NMBR: variants seen among roughly 807,000 people sequenced by gnomAD.
NMBR encodes neuromedin B receptor.
In NMBR, 16 loss-of-function variants were observed where a neutral mutation model predicts 20.5. That is an observed-to-expected ratio of 0.78 (90% CI 0.53 to 1.19). The LOEUF (loss-of-function observed/expected upper bound fraction) is 1.19. Ranked by LOEUF, NMBR falls within the 50% of genes most tolerant of loss-of-function variation. The pLI, the probability that NMBR is intolerant of heterozygous loss-of-function variation, is 0.00. For missense variants in NMBR, 582 were observed against 499.1 expected (o/e 1.17, Z -1.58); for synonymous variants, 212 against 196.6 (o/e 1.08, Z -0.65).
At chr6:142,080,767 AT>A (rs1485897685) in intron 2 of NMBR, among the ~76,000 whole-genome samples, 2 of 152,056 alleles carry the variant, frequency 1.3e-5, no homozygotes, top group Non-Finnish European at 2.9e-5. Context: ...GTTGACTGTA[AT>A]TTTTTTTCTG....
intron 3 of NMBR, 56 bp from the exon 4 acceptor site, chr6:142,076,105 T>C (rs1003168662): frequency 3.4e-6 from 5 of 1,475,752 alleles, no homozygotes; most frequent in African/African-American, 2.8e-5. Context: ...ACCAGCCACA[T>C]ACCAACTTTA....
intron 1 of NMBR, among the ~76,000 whole-genome samples, chr6:142,112,714 A>G (rs1777787045): frequency 1.3e-5 from 2 of 152,174 alleles, no homozygotes; most frequent in Non-Finnish European, 2.9e-5. Flanking sequence ...TGCAGAAGGA[A>G]CCAAATCAAA....
chr6:142,125,220 T>A (rs1350040694), intron 1 of NMBR, among the ~76,000 whole-genome samples: 1 of 151,760 alleles, frequency 6.6e-6, no homozygotes, highest in Non-Finnish European at 1.5e-5. Context: ...ATTGGGTATG[T>A]CATGAGAAGA....
chr6:142,134,346 G>T (rs113618054), intron 1 of NMBR, among the ~76,000 whole-genome samples: 2,336 of 152,096 alleles, frequency 0.015, 49 homozygotes, highest in South Asian at 0.07. Flanking sequence ...AGTAATATAT[G>T]ACTATGTTTT....
At chr6:142,108,817 T>C (rs149650682) in intron 1 of NMBR, among the ~76,000 whole-genome samples, 10 of 152,280 alleles carry the variant, frequency 6.6e-5, no homozygotes, top group East Asian at 5.8e-4. Context: ...CCCAAATTCT[T>C]AGCTCATTCT....
chr6:142,085,159 C>T (rs989703149), intron 2 of NMBR, among the ~76,000 whole-genome samples: 5 of 152,158 alleles, frequency 3.3e-5, no homozygotes, highest in Admixed American at 6.5e-5. Context: ...CTGCAGTGGG[C>T]ACAAAAGCTG....
chr6:142,109,631 C>A (rs969118119), intron 1 of NMBR, among the ~76,000 whole-genome samples: 1 of 151,988 alleles, frequency 6.6e-6, no homozygotes, highest in Non-Finnish European at 1.5e-5. Context: ...AAATGCAAAT[C>A]AAACTCACAG....
intron 2 of NMBR, among the ~76,000 whole-genome samples, chr6:142,079,417 G>C (rs537366942): frequency 2.6e-5 from 4 of 152,208 alleles, no homozygotes; most frequent in East Asian, 1.9e-4. Flanking sequence ...TTTTAAATTT[G>C]CATTTCCTAA....
chr6:142,136,786 G>A (rs532874046), intron 1 of NMBR, among the ~76,000 whole-genome samples: 2 of 152,236 alleles, frequency 1.3e-5, no homozygotes, highest in South Asian at 2.1e-4. Flanking sequence ...TCTCAGGTTT[G>A]TCAAAGATCA....
intron 1 of NMBR, among the ~76,000 whole-genome samples, chr6:142,145,020 T>TAAAAAAAAAAA (rs34522158): frequency 2.0e-5 from 2 of 97,616 alleles, no homozygotes; most frequent in Non-Finnish European, 3.9e-5. Flanking sequence ...AGAACCTGTC[T>TAAAAAAAAAAA]AAAAAAAAAA....
chr6:142,091,110 TATA>T (rs1192584377), intron 1 of NMBR, among the ~76,000 whole-genome samples: 2 of 152,198 alleles, frequency 1.3e-5, no homozygotes, highest in African/African-American at 4.8e-5. Flanking sequence ...GTTATAAAGT[TATA>T]ATAATGTGTT....
At chr6:142,135,682 T>C (rs1463528558) in intron 1 of NMBR, among the ~76,000 whole-genome samples, 1 of 149,246 alleles carries the variant, frequency 6.7e-6, no homozygotes, top group African/African-American at 2.5e-5. Context: ...AGTGTGATGT[T>C]CCACTTCTTG....
At chr6:142,094,564 C>T (rs7454980) in intron 1 of NMBR, among the ~76,000 whole-genome samples, 151,766 of 152,316 alleles carry the variant, frequency 1, 75,608 homozygotes, top group East Asian at 1. Flanking sequence ...CCTTGCAGTA[C>T]AGTTTGAAGT....
intron 1 of NMBR, among the ~76,000 whole-genome samples, chr6:142,133,352 TAAAGAG>T (rs1778179951): frequency 6.6e-6 from 1 of 152,170 alleles, no homozygotes; most frequent in African/African-American, 2.4e-5. Context: ...TTTAAAACTA[TAAAGAG>T]AAAAATTCAG....
intron 2 of NMBR, 131 bp from the exon 3 acceptor site, chr6:142,079,034 A>AAGAAAGAGAGAAAGAAAGAG (rs1362261864): frequency 1.9e-6 from 1 of 519,308 alleles, no homozygotes; most frequent in Non-Finnish European, 3.3e-6. Flanking sequence ...GAGAGAAAGA[A>AAGAAAGAGAGAAAGAAAGAG]AGAAAGAGAG....
At chr6:142,101,307 ATATATAAGGAAACAGCTTTTGGCTAAAC>A (rs1377236210) in intron 1 of NMBR, among the ~76,000 whole-genome samples, 1 of 152,198 alleles carries the variant, frequency 6.6e-6, no homozygotes, top group East Asian at 1.9e-4. Flanking sequence ...CAACCTTAAA[ATATATAAGGAAACAGCTTTTGGCTAAAC>A]TTGATTTCAC....
intron 2 of NMBR, among the ~76,000 whole-genome samples, chr6:142,084,928 T>A (rs1777171508): frequency 6.6e-6 from 1 of 152,224 alleles, no homozygotes; most frequent in South Asian, 2.1e-4. Flanking sequence ...TGTGTATGTA[T>A]AAAAGTGTTA....
rs931789480 is a variant in NMBR, at chr6:142,075,194, T to A, written c.*454A>T. ...TGACTTGTATTTCAAATAATAGGAGTTTGAATATTACCCTCACTGAATCAT... is the reference window on the plus strand; with the variant it reads ...TGACTTGTATTTCAAATAATAGGAGATTGAATATTACCCTCACTGAATCAT... On this transcript the variant is annotated 3_prime_UTR_variant, in exon 4 of 4. Coordinates refer to ENST00000258042, the MANE Select transcript of NMBR (RefSeq NM_002511.4). Among the ~76,000 whole-genome samples, 1 of 151,882 alleles carries A rather than the reference T, an allele frequency of 6.6e-6. No homozygotes were observed. The highest frequency in any genetic ancestry group is 6.6e-5 in the Admixed American group (1 of 15,224).
intron 1 of NMBR, among the ~76,000 whole-genome samples, chr6:142,146,163 A>T (rs1278213257): frequency 1.3e-5 from 2 of 152,210 alleles, no homozygotes; most frequent in African/African-American, 2.4e-5. Context: ...AGCCCGACCC[A>T]GAATAAGATG....
Sources: allele counts gnomAD v4.1 joint callset (sites outside exome capture counted in the v4.1 genomes callset), GRCh38; gene constraint gnomAD v4.1.1; transcripts MANE v1.5; gene names NCBI Gene and HGNC (gene_info 2026-07-23, HGNC 2026-07-21).